DCHS2: variants seen among roughly 807,000 people sequenced by gnomAD.
DCHS2 encodes dachsous cadherin-related 2, also known as protocadherin-23.
DCHS2 carries 142 observed loss-of-function variants against 182.4 expected under a neutral mutation model. That is an observed-to-expected ratio of 0.78 (90% confidence interval 0.68 to 0.89). The LOEUF (loss-of-function observed/expected upper bound fraction) is 0.89, where lower values mean the gene tolerates loss of function less well. Among genes scored for constraint, DCHS2 ranks in the 40% least tolerant of loss-of-function variants. The probability of loss-of-function intolerance (pLI) is 0.00; values close to 1 mark genes in which losing one functional copy is unlikely to be tolerated. For missense variants in DCHS2, 4,319 were observed against 4,198.6 expected (o/e 1.03, Z -0.79); for synonymous variants, 1,740 against 1,663.3 (o/e 1.05, Z -1.12).
chr4:154,324,926 T>C (rs1736218139), intron 7 of DCHS2, among the ~76,000 whole-genome samples: 1 of 152,286 alleles, frequency 6.6e-6, no homozygotes, highest in Admixed American at 6.5e-5. Flanking sequence ...TATTTTACCA[T>C]ATATTTTGTA....
At chr4:154,411,656 A>G (rs1007876904) in intron 1 of DCHS2, among the ~76,000 whole-genome samples, 1 of 152,190 alleles carries the variant, frequency 6.6e-6, no homozygotes, top group Non-Finnish European at 1.5e-5. Context: ...AACACAAGCT[A>G]TAGTTAATAA....
rs141923517 is a variant in DCHS2 at position 154,277,143 on chromosome 4, C to A, written c.6464-7130G>T. Among the ~76,000 whole-genome samples, 86 of 152,270 alleles carry A rather than the reference C, an allele frequency of 5.6e-4. 1 individual carries two copies. Among genetic ancestry groups the A allele is most frequent in the African/African-American group, 1.8e-3 (76 of 41,566 alleles). On this transcript the variant is annotated intron_variant, in intron 13 of 19. Transcript: ENST00000357232. The stretch of plus-strand genomic sequence containing the variant: ...TCAGCAAGATTGTTTCTTTTGTTGG[C>A]ATAGCTTTTTCTTTTCTTACTGCCA...
intron 13 of DCHS2, among the ~76,000 whole-genome samples, chr4:154,270,353 C>T (rs1733530986): frequency 6.6e-6 from 1 of 151,818 alleles, no homozygotes; most frequent in Non-Finnish European, 1.5e-5. Context: ...ACTTCTTTTT[C>T]AGGGGAAGCA....
Position 154,426,708 on chromosome 4 carries a change from AG to A in DCHS2, c.2053-49265del, listed in dbSNP as rs537690751. 2.7e-3 allele frequency among the ~76,000 whole-genome samples: 407 copies of A among 152,060 alleles called. 3 individuals carry two copies. Among genetic ancestry groups the A allele is most frequent in the African/African-American group, 9.3e-3 (384 of 41,498 alleles). On this transcript the variant is annotated intron_variant, in intron 1 of 19. Coordinates refer to ENST00000357232, the MANE Select transcript of DCHS2 (RefSeq NM_001358235.2). The stretch of plus-strand genomic sequence containing the variant: ...CAACACCTTGGGAGGCTGAGGAGGG[AG>A]GATTCCTTGAGCTCAGGAGTTTGAG...
Position 154,328,025 on chromosome 4 carries a change from G to A in DCHS2, c.4018+68C>T. 4.4e-6 allele frequency: 5 copies of A among 1,127,572 alleles called. No individual in the cohort carries two copies. In the South Asian group the frequency reaches 5.6e-5, roughly 13 times the overall value. 69.8% of individuals were successfully genotyped at this position (1,127,572 alleles called of 1,614,324 possible). On this transcript the variant is annotated intron_variant, in intron 7 of 19. Transcript: ENST00000357232. ...CAAAATAGAACTTCTTTTCCCAGAA[G>A]GGGATAGTTGATAAATGAAAGCAGA...
intron 6 of DCHS2, among the ~76,000 whole-genome samples, chr4:154,328,558 A>C (rs1736387844): frequency 6.6e-6 from 1 of 152,176 alleles, no homozygotes; most frequent in Non-Finnish European, 1.5e-5. Context: ...GCTATGGCTT[A>C]AAATATGCTT....
intron 12 of DCHS2, among the ~76,000 whole-genome samples, chr4:154,302,289 C>T (rs1394809779): frequency 2.0e-5 from 3 of 152,202 alleles, no homozygotes; most frequent in Non-Finnish European, 2.9e-5. Flanking sequence ...AGTCTGTGAG[C>T]TATGAAAATT....
At chr4:154,439,323 C>T (rs1733903259) in intron 1 of DCHS2, among the ~76,000 whole-genome samples, 1 of 152,100 alleles carries the variant, frequency 6.6e-6, no homozygotes, top group Non-Finnish European at 1.5e-5. Flanking sequence ...ATCAAATTGC[C>T]CTGAAAGAAG....
In DCHS2 at chr4:154,335,043, G is replaced by C. The variant is rs1298639863; in HGVS notation, c.2538C>G (p.Val846=). The C allele has an allele frequency of 1.9e-6, 3 of 1,613,956 alleles. No individual in the cohort carries two copies. In the South Asian group the frequency reaches 3.3e-5, roughly 18 times the overall value. ...TGAGCCCACCACCGTCTTGAGCAGAGACCATCAACGAAAGTGTGGTAGATT... is the reference window on the plus strand; with the variant it reads ...TGAGCCCACCACCGTCTTGAGCAGACACCATCAACGAAAGTGTGGTAGATT... The part of the protein sequence containing the change: ...HLESTTLSLM[V]SAQDGGGLTA... Residue 846 remains valine, a synonymous_variant, in exon 4 of 20, where the codon GTC becomes GTG. Transcript: ENST00000357232.
Position 154,320,246 on chromosome 4 carries a change from C to G in DCHS2, c.5020+133G>C, listed in dbSNP as rs753698431. 10 of 1,368,950 alleles carry G rather than the reference C, an allele frequency of 7.3e-6. No homozygotes were observed. The Admixed American group carries it at 1.1e-4, about 15-fold the overall frequency. The allele number at this position is 1,368,950 out of a possible 1,614,324, so 84.8% of individuals were successfully genotyped here. A position where few individuals can be genotyped will look rare whatever the true frequency, so the allele number is the denominator to read the frequency against. On this transcript the variant is annotated intron_variant, in intron 9 of 19. Transcript: ENST00000357232. ...GCAAGGTAAATAATATCTAGAGATACGCTGTGCAACATTGAACTCACAGTC... is the reference window on the plus strand; with the variant it reads ...GCAAGGTAAATAATATCTAGAGATAGGCTGTGCAACATTGAACTCACAGTC...
At chr4:154,464,889 A>C (rs1430127138) in intron 1 of DCHS2, among the ~76,000 whole-genome samples, 1 of 152,172 alleles carries the variant, frequency 6.6e-6, no homozygotes, top group African/African-American at 2.4e-5. Context: ...CCGCCCTTGC[A>C]ACTCAGCTTT....
chr4:154,378,349 A>T (rs575192808), intron 1 of DCHS2, among the ~76,000 whole-genome samples: 1 of 152,158 alleles, frequency 6.6e-6, no homozygotes, highest in Non-Finnish European at 1.5e-5. Context: ...CTTTTAATTT[A>T]CAACCCAACT....
At chr4:154,452,895 G>T (rs1261116550) in intron 1 of DCHS2, among the ~76,000 whole-genome samples, 1 of 152,090 alleles carries the variant, frequency 6.6e-6, no homozygotes, top group Non-Finnish European at 1.5e-5. Context: ...CAGGATAAAG[G>T]CTTTGCAAAC....
chr4:154,316,467 T>A (rs1735859087), intron 9 of DCHS2, among the ~76,000 whole-genome samples: 1 of 152,188 alleles, frequency 6.6e-6, no homozygotes. Flanking sequence ...GGATTTTTTT[T>A]AACAATAAAG....
In DCHS2 at chr4:154,236,062, A is replaced by C. The variant is rs1284312253; in HGVS notation, c.8590T>G (p.Leu2864Val). ...CCTTCAATATCCACCCAGACCACTA[A>C]GGAGGCAGTTGCATCACCTTTGTCT... ...AKDKGDATAS[L>V]VVWVDIEGID... The change falls in exon 20 of 20, where the codon TTA becomes GTA. Residue 2864 changes from leucine to valine, a missense_variant. By Grantham distance (32) the Leu-to-Val change is conservative (BLOSUM62 1). Coordinates refer to ENST00000357232, the MANE Select transcript of DCHS2 (RefSeq NM_001358235.2). 3 of 1,613,794 alleles carry C rather than the reference A, an allele frequency of 1.9e-6. No individual in the cohort carries two copies. In the African/African-American group the frequency reaches 4.0e-5, roughly 22 times the overall value.
chr4:154,455,955 T>TG (rs1427665350), intron 1 of DCHS2, among the ~76,000 whole-genome samples: 2 of 152,058 alleles, frequency 1.3e-5, no homozygotes, highest in African/African-American at 4.8e-5. Context: ...CTGAGCATGG[T>TG]GGCACATGCC....
Position 154,376,071 on chromosome 4 carries a change from G to T in DCHS2, c.2244+1182C>A, listed in dbSNP as rs114185484. 7.4e-3 allele frequency among the ~76,000 whole-genome samples: 1,125 copies of T among 152,140 alleles called. 13 individuals carry two copies. The highest frequency in any genetic ancestry group is 0.024 in the African/African-American group (996 of 41,526). ...CAACAGTGGTTTCTAAAAAGGCAGG[G>T]ATGGGGGCATGGAGGGGTGGATGGA... is the stretch of plus-strand genomic sequence containing the variant. On this transcript the variant is annotated intron_variant, in intron 2 of 19. Transcript: ENST00000357232.
intron 3 of DCHS2, among the ~76,000 whole-genome samples, chr4:154,349,452 G>A (rs928100776): frequency 5.3e-5 from 8 of 152,140 alleles, no homozygotes; most frequent in African/African-American, 9.7e-5. Context: ...CAGGAGCTCC[G>A]TTCAAACCAA....
rs1560968745 is a variant in DCHS2 at position 154,234,980 on chromosome 4, A to G, written c.9672T>C (p.Ser3224=). Residue 3224 remains serine (S), a synonymous_variant, in exon 20 of 20, where the codon TCT becomes TCC. Coordinates refer to ENST00000357232, the MANE Select transcript of DCHS2 (RefSeq NM_001358235.2). ...GATAGTTGTCTTTTCCATCATGATC[A>G]GAGGTCGTCTGAGTTGAAAGAGCTG... ...RCAALSTQTT[S]DHDGKDNYHW... is the part of the protein sequence containing the mutation. 1 of 1,614,102 alleles carries G rather than the reference A, an allele frequency of 6.2e-7. No homozygotes were observed. Among genetic ancestry groups the G allele is most frequent in the South Asian group, 1.1e-5 (1 of 91,088 alleles).
Sources: allele counts gnomAD v4.1 joint callset (sites outside exome capture counted in the v4.1 genomes callset), GRCh38; gene constraint gnomAD v4.1.1; transcripts MANE v1.5; gene names NCBI Gene and HGNC (gene_info 2026-07-23, HGNC 2026-07-21).